Variants in AGMO observed in about 807,000 individuals in gnomAD.
AGMO encodes the protein glyceryl-ether monooxygenase.
A neutral mutation model predicts 60.2 loss-of-function variants in AGMO; 75 were observed. The ratio of observed to expected loss-of-function variants is 1.25; its 90% CI spans 1.03 to 1.51. The LOEUF (loss-of-function observed/expected upper bound fraction) is 1.51. Ranked by LOEUF, AGMO falls within the 40% of genes most tolerant of loss-of-function variation. AGMO has a pLI of 0.00. For missense variants in AGMO, 763 were observed against 525.5 expected (o/e 1.45, Z -4.42); for synonymous variants, 261 against 177.1 (o/e 1.47, Z -3.76).
chr7:15,301,816 T>G (rs1010526256), intron 12 of AGMO, among the ~76,000 whole-genome samples: 1 of 152,168 alleles, frequency 6.6e-6, no homozygotes, highest in African/African-American at 2.4e-5. Flanking sequence ...TTTTTACTGT[T>G]AAATTTTTAA....
At chr7:15,393,993 A>AT (rs1784260328) in intron 6 of AGMO, 120 bp downstream of exon 6, 1 of 650,738 alleles carries the variant, frequency 1.5e-6, no homozygotes, top group East Asian at 3.8e-5. Context: ...AGAAACTATT[A>AT]TTTATTTGTA....
At chr7:15,196,527 A>C (rs761244347), downstream of AGMO, among the ~76,000 whole-genome samples, 11 of 152,204 alleles carry the variant, frequency 7.2e-5, no homozygotes, top group Non-Finnish European at 1.2e-4. Context: ...AAAACTTGAC[A>C]GGAGGGACAA....
chr7:15,457,478 T>G (rs1782029066), intron 3 of AGMO, among the ~76,000 whole-genome samples: 1 of 152,196 alleles, frequency 6.6e-6, no homozygotes, highest in African/African-American at 2.4e-5. Context: ...CTACTGTGAA[T>G]TCAAAATTTT....
chr7:15,191,869 C>G, the AGMO span, among the ~76,000 whole-genome samples: 5 of 152,144 alleles, frequency 3.3e-5, no homozygotes, highest in Admixed American at 3.3e-4. Context: ...TTTCCTCTCT[C>G]TAGCATATTT....
At chr7:15,167,372 T>A in the AGMO span, among the ~76,000 whole-genome samples, 16 of 152,178 alleles carry the variant, frequency 1.1e-4, no homozygotes, top group Non-Finnish European at 1.5e-4. Flanking sequence ...TCGGACTTTA[T>A]TTGTTCAAAA....
intron 3 of AGMO, among the ~76,000 whole-genome samples, chr7:15,443,775 T>C (rs1425411480): frequency 6.6e-6 from 1 of 152,194 alleles, no homozygotes; most frequent in Non-Finnish European, 1.5e-5. Flanking sequence ...AGAAGAGTAA[T>C]AGTTTATGAC....
the AGMO span, among the ~76,000 whole-genome samples, chr7:15,189,961 G>A: frequency 6.6e-6 from 1 of 150,706 alleles, no homozygotes; most frequent in Non-Finnish European, 1.5e-5. Flanking sequence ...GTTTCCTTTT[G>A]TGTTTTGGGA....
At chr7:15,510,112 C>T (rs908685553) in intron 3 of AGMO, among the ~76,000 whole-genome samples, 30 of 152,094 alleles carry the variant, frequency 2.0e-4, no homozygotes, top group African/African-American at 4.1e-4. Context: ...ATCAGCAGTA[C>T]CATGTTAATT....
chr7:15,236,603 T>C (rs1435407087), intron 12 of AGMO, among the ~76,000 whole-genome samples: 5 of 152,208 alleles, frequency 3.3e-5, no homozygotes, highest in Admixed American at 6.5e-5. Flanking sequence ...TGTAAATTAA[T>C]AGCTTAAACA....
At chr7:15,353,670 A>G (rs532904133) in intron 12 of AGMO, among the ~76,000 whole-genome samples, 1 of 152,358 alleles carries the variant, frequency 6.6e-6, no homozygotes, top group East Asian at 1.9e-4. Flanking sequence ...TCAGAAATAT[A>G]TATTAGTGTT....
intron 3 of AGMO, among the ~76,000 whole-genome samples, chr7:15,464,582 G>A (rs995243131): frequency 6.6e-6 from 1 of 152,104 alleles, no homozygotes; most frequent in Non-Finnish European, 1.5e-5. Flanking sequence ...AAAAAAGTTA[G>A]GTGATTAATC....
At chr7:15,266,317 A>G (rs1312136337) in intron 12 of AGMO, among the ~76,000 whole-genome samples, 1 of 152,062 alleles carries the variant, frequency 6.6e-6, no homozygotes, top group Non-Finnish European at 1.5e-5. Flanking sequence ...TGTTCATTAT[A>G]AATGTACATC....
At chr7:15,272,214 T>C (rs1364689932) in intron 12 of AGMO, among the ~76,000 whole-genome samples, 1 of 151,906 alleles carries the variant, frequency 6.6e-6, no homozygotes, top group African/African-American at 2.4e-5. Flanking sequence ...TGTGCCATGT[T>C]GGTGTGCTGC....
the AGMO span, among the ~76,000 whole-genome samples, chr7:15,151,250 C>A: frequency 6.6e-6 from 1 of 152,046 alleles, no homozygotes; most frequent in Non-Finnish European, 1.5e-5. Context: ...GGCAATCCAT[C>A]TTATTTATTC....
the AGMO span, among the ~76,000 whole-genome samples, chr7:15,188,025 C>T: frequency 6.6e-6 from 1 of 152,152 alleles, no homozygotes; most frequent in Non-Finnish European, 1.5e-5. Context: ...TCACTATTCT[C>T]CTTTTAGTTC....
At chr7:15,517,241 T>C (rs10267069) in intron 3 of AGMO, among the ~76,000 whole-genome samples, 2,039 of 151,842 alleles carry the variant, frequency 0.013, 50 homozygotes, top group African/African-American at 0.045. Context: ...TTAGCACACC[T>C]CACTCATTAA....
At chr7:15,213,954 C>T (rs1381607192) in intron 12 of AGMO, among the ~76,000 whole-genome samples, 8 of 151,920 alleles carry the variant, frequency 5.3e-5, no homozygotes, top group Admixed American at 4.6e-4. Flanking sequence ...AAACATTTTG[C>T]TTGTTTGTGT....
intron 3 of AGMO, among the ~76,000 whole-genome samples, chr7:15,505,158 T>G (rs2128527168): frequency 6.6e-6 from 1 of 151,976 alleles, no homozygotes; most frequent in East Asian, 1.9e-4. Context: ...ACTACATTTT[T>G]TCATGTAGTG....
intron 12 of AGMO, among the ~76,000 whole-genome samples, chr7:15,349,534 CAT>C (rs1782157059): frequency 6.6e-6 from 1 of 152,112 alleles, no homozygotes; most frequent in South Asian, 2.1e-4. Flanking sequence ...CAAAAAATCT[CAT>C]AGACCCAATA....
Sources: gnomAD v4.1 joint callset for allele counts (sites outside exome capture counted in the v4.1 genomes callset) on GRCh38, gnomAD v4.1.1 for gene constraint, MANE v1.5 for transcripts, NCBI Gene and HGNC (gene_info 2026-07-23, HGNC 2026-07-21) for gene names.